The following NCOA2 variants were observed in gnomAD, a reference collection of about 807,000 sequenced individuals.
NCOA2 encodes the protein class E basic helix-loop-helix protein 75.
Under a neutral mutation model 145.1 loss-of-function variants are expected in NCOA2, and 21 were observed. The ratio of observed to expected loss-of-function variants is 0.14; its 90% confidence interval spans 0.10 to 0.21. The LOEUF (loss-of-function observed/expected upper bound fraction) is 0.21, where lower values mean the gene tolerates loss of function less well. NCOA2 is among the 10% of genes least tolerant of loss of function. The probability of loss-of-function intolerance (pLI) is 1.00; values close to 1 mark genes in which losing one functional copy is unlikely to be tolerated. For synonymous variants in NCOA2, 619 were observed against 637.5 expected, an observed-to-expected ratio of 0.97 and a Z score of 0.44; for missense variants, 1,472 against 1,837.6, an observed-to-expected ratio of 0.80 and a Z score of 3.64.
the NCOA2 span, among the ~76,000 whole-genome samples, chr8:70,428,829 T>A: frequency 6.7e-6 from 1 of 150,054 alleles, no homozygotes; most frequent in African/African-American, 2.5e-5. Flanking sequence ...GCCCTCTGTG[T>A]GGCAATCTAA....
At position 70,336,502 on chromosome 8, in the gene NCOA2, T is replaced by C. The variant is rs186783767; in HGVS notation, c.-76-39702A>G. Among the ~76,000 whole-genome samples the C allele has an allele frequency of 3.9e-5, 6 of 152,292 alleles. No individual in the cohort carries two copies. The East Asian group carries it at 1.2e-3, about 29-fold the overall frequency. ...TAATTTATAAAGAAAAGAGGTTTAA[T>C]TGAATCACAGTTCCTCATGGGGAGG... On this transcript the variant is annotated intron_variant, in intron 1 of 22. Transcript: ENST00000452400.
chr8:70,160,862 GA>G (rs941359281), intron 9 of NCOA2, among the ~76,000 whole-genome samples: 4 of 152,212 alleles, frequency 2.6e-5, no homozygotes, highest in African/African-American at 9.7e-5. Flanking sequence ...TACTGAAAAT[GA>G]ATTACTGAAC....
chr8:70,298,695 T>G (rs946890537), intron 1 of NCOA2, among the ~76,000 whole-genome samples: 6 of 152,228 alleles, frequency 3.9e-5, no homozygotes, highest in Non-Finnish European at 8.8e-5. Context: ...TACTGTTGGC[T>G]CTATACTATT....
At chr8:70,192,395 AAAGG>A (rs1816789810) in intron 4 of NCOA2, among the ~76,000 whole-genome samples, 1 of 152,238 alleles carries the variant, frequency 6.6e-6, no homozygotes, top group African/African-American at 2.4e-5. Context: ...CTTATAAAGT[AAAGG>A]AAGGAACTTT....
chr8:70,370,498 C>CTTAT (rs542266353), intron 1 of NCOA2, among the ~76,000 whole-genome samples: 1 of 152,058 alleles, frequency 6.6e-6, no homozygotes, highest in South Asian at 2.1e-4. Flanking sequence ...CACACTGGGT[C>CTTAT]TTATTTATTT....
intron 12 of NCOA2, among the ~76,000 whole-genome samples, chr8:70,145,331 C>CTTTCTTTT (rs755821974): frequency 6.8e-6 from 1 of 146,768 alleles, no homozygotes; most frequent in Non-Finnish European, 1.5e-5. Flanking sequence ...CTAATTTTTT[C>CTTTCTTTT]TTTTTTTTTT....
intron 1 of NCOA2, among the ~76,000 whole-genome samples, chr8:70,317,184 G>T (rs1027982826): frequency 6.6e-6 from 1 of 152,174 alleles, no homozygotes; most frequent in Non-Finnish European, 1.5e-5. Context: ...CAAAGATTTG[G>T]ATTCTATCCT....
chr8:70,131,828 C>T lies in NCOA2; in HGVS notation c.3324+9G>A, dbSNP rs754332095. 2.1e-5 allele frequency: 33 copies of T among 1,578,600 alleles called. No homozygotes were observed. The highest frequency in any genetic ancestry group is 1.7e-4 in the Middle Eastern group (1 of 5,934). ...GCTTGGCCCCCACCTGCTGCCCTTC[C>T]GCGCATACCTGGCTGACCAGTTCGG... On this transcript the variant is annotated intron_variant, in intron 16 of 22. Coordinates refer to ENST00000452400, the MANE Select transcript of NCOA2 (RefSeq NM_006540.4).
At chr8:70,356,274 T>A (rs931431960) in intron 1 of NCOA2, among the ~76,000 whole-genome samples, 1 of 152,016 alleles carries the variant, frequency 6.6e-6, no homozygotes, top group Non-Finnish European at 1.5e-5. Context: ...CTGGGCAACA[T>A]AGTAAGACCC....
At chr8:70,442,131 G>GAAAGAAAGAAAGAAAGA in the NCOA2 span, among the ~76,000 whole-genome samples, 1 of 123,026 alleles carries the variant, frequency 8.1e-6, no homozygotes, top group African/African-American at 4.4e-5. Flanking sequence ...AAGAAAGAAA[G>GAAAGAAAGAAAGAAAGA]AAAGAAAGAA....
intron 16 of NCOA2, among the ~76,000 whole-genome samples, chr8:70,129,279 A>G (rs1368734118): frequency 1.3e-5 from 2 of 152,062 alleles, no homozygotes; most frequent in African/African-American, 4.8e-5. Context: ...TACCCACTCC[A>G]CCAATCATAT....
chr8:70,232,892 C>CACACACACA (rs1554601860), intron 2 of NCOA2, among the ~76,000 whole-genome samples: 1 of 151,502 alleles, frequency 6.6e-6, no homozygotes, highest in Non-Finnish European at 1.5e-5. Context: ...CACACACACA[C>CACACACACA]GTGCGTAGAT....
intron 1 of NCOA2, among the ~76,000 whole-genome samples, chr8:70,393,011 G>C (rs1813342656): frequency 6.6e-6 from 1 of 152,168 alleles, no homozygotes; most frequent in Non-Finnish European, 1.5e-5. Flanking sequence ...ATGGGAAAGG[G>C]AAAACTCTCT....
chr8:70,422,983 G>C, the NCOA2 span, among the ~76,000 whole-genome samples: 1 of 152,042 alleles, frequency 6.6e-6, no homozygotes, highest in Admixed American at 6.5e-5. Context: ...GGCCGCCACT[G>C]TGCCCCACTC....
the NCOA2 span, among the ~76,000 whole-genome samples, chr8:70,441,404 AAGAG>A: frequency 7.0e-6 from 1 of 143,118 alleles, no homozygotes; most frequent in Non-Finnish European, 1.6e-5. Context: ...GAAAGAAAAG[AAGAG>A]AGAAAGAAAA....
chr8:70,184,026 C>T (rs943159957), intron 4 of NCOA2, among the ~76,000 whole-genome samples: 5 of 152,106 alleles, frequency 3.3e-5, no homozygotes, highest in African/African-American at 1.2e-4. Context: ...AGAGCTTTAC[C>T]ATATACCTAA....
intron 2 of NCOA2, among the ~76,000 whole-genome samples, chr8:70,265,330 C>T (rs930139007): frequency 6.6e-6 from 1 of 152,190 alleles, no homozygotes; most frequent in Non-Finnish European, 1.5e-5. Flanking sequence ...TCCATGCTGG[C>T]ACCATGATCT....
chr8:70,355,047 T>A (rs1008358908), intron 1 of NCOA2, among the ~76,000 whole-genome samples: 3 of 152,202 alleles, frequency 2.0e-5, no homozygotes, highest in African/African-American at 7.2e-5. Flanking sequence ...ATTAGCACAC[T>A]CTGTATAATA....
chr8:70,159,242 A>ATATATATATATATTTTT, intron 10 of NCOA2, among the ~76,000 whole-genome samples: 5 of 61,076 alleles, frequency 8.2e-5, no homozygotes, highest in African/African-American at 2.7e-4. Context: ...ATATATATAT[A>ATATATATATATATTTTT]TTTTTTTTTT....
Sources: allele counts gnomAD v4.1 joint callset (sites outside exome capture counted in the v4.1 genomes callset), GRCh38; gene constraint gnomAD v4.1.1; transcripts MANE v1.5; gene names NCBI Gene and HGNC (gene_info 2026-07-23, HGNC 2026-07-21).